Variants in SOX5 observed in about 807,000 individuals in gnomAD.
The protein encoded by SOX5 is transcription factor SOX-5.
Under a neutral mutation model 92.0 loss-of-function variants are expected in SOX5, and 9 were observed. The ratio of observed to expected loss-of-function variants is 0.10; its 90% CI spans 0.06 to 0.17. The LOEUF is 0.17. Among genes scored for constraint, SOX5 ranks in the 10% least tolerant of loss-of-function variants. The probability of loss-of-function intolerance (pLI) is 1.00; values close to 1 mark genes in which losing one functional copy is unlikely to be tolerated. For missense variants in SOX5, 642 were observed against 944.5 expected (o/e 0.68, Z 4.20); for synonymous variants, 344 against 336.3 (o/e 1.02, Z -0.25).
chr12:24,400,412 A>G (rs889091791), intron 1 of SOX5, among the ~76,000 whole-genome samples: 1 of 152,216 alleles, frequency 6.6e-6, no homozygotes, highest in Non-Finnish European at 1.5e-5. Flanking sequence ...CAAGTTTGTG[A>G]GGAGGGCGGG....
At chr12:24,461,410 G>C (rs1397482247) in intron 1 of SOX5, among the ~76,000 whole-genome samples, 1 of 152,156 alleles carries the variant, frequency 6.6e-6, no homozygotes, top group Non-Finnish European at 1.5e-5. Flanking sequence ...TTGATATGAA[G>C]TGATGGTTTT....
chr12:23,752,815 A>T (rs1272473328), intron 4 of SOX5, among the ~76,000 whole-genome samples: 1 of 151,890 alleles, frequency 6.6e-6, no homozygotes, highest in Non-Finnish European at 1.5e-5. Flanking sequence ...ATCAGTTTAT[A>T]GCATATATTG....
At chr12:24,543,787 C>A (rs1225682000) in intron 1 of SOX5, among the ~76,000 whole-genome samples, 2 of 152,140 alleles carry the variant, frequency 1.3e-5, no homozygotes, top group South Asian at 2.1e-4. Flanking sequence ...TCATAATATT[C>A]TTTTGAGAGA....
intron 3 of SOX5, chr12:23,762,491 C>G (rs913482705): frequency 2.3e-6 from 1 of 431,912 alleles, no homozygotes; most frequent in East Asian, 3.5e-5. Flanking sequence ...TTTAGATAAG[C>G]TTTATTTTTA....
intron 3 of SOX5, among the ~76,000 whole-genome samples, chr12:23,818,315 C>G (rs1289621446): frequency 6.6e-6 from 1 of 152,156 alleles, no homozygotes; most frequent in African/African-American, 2.4e-5. Context: ...CAGCTTGTTA[C>G]TGTGCTGAAT....
chr12:23,733,935 A>G (rs1404320001), intron 6 of SOX5, among the ~76,000 whole-genome samples: 1 of 152,134 alleles, frequency 6.6e-6, no homozygotes, highest in Non-Finnish European at 1.5e-5. Context: ...ACACTATGCT[A>G]AGGCTCTTTA....
At chr12:23,873,098 C>T (rs576240738) in intron 2 of SOX5, among the ~76,000 whole-genome samples, 52 of 152,298 alleles carry the variant, frequency 3.4e-4, no homozygotes, top group African/African-American at 1.2e-3. Context: ...TACATTATTT[C>T]TAGCCAATAA....
In SOX5 at chr12:24,261,474, G is replaced by A. The variant is rs577378857; in HGVS notation, c.-77+15742C>T. ...ATTTTACTTTTGGTTGCTTGAATTC[G>A]AAAATCCACTCCCACCTACCCACCC... On this transcript the variant is annotated intron_variant, in intron 3 of 4. Coordinates refer to the SOX5 transcript ENST00000446891. Among the ~76,000 whole-genome samples the A allele has an allele frequency of 7.2e-5, 11 of 152,034 alleles. No homozygotes were observed. The East Asian group carries it at 1.7e-3, about 24-fold the overall frequency.
chr12:24,551,528 C>T lies in SOX5; in HGVS notation c.-251+10801G>A, dbSNP rs537641920. ...CTTTTTTCCCCTGTCCATGTGGAAG[C>T]GCTGTCGTTTGTTCAATAAATATTT... On this transcript the variant is annotated intron_variant, in intron 1 of 4. Coordinates refer to the SOX5 transcript ENST00000446891. 5.9e-5 allele frequency among the ~76,000 whole-genome samples: 9 copies of T among 152,280 alleles called. No homozygotes were observed. The South Asian group carries it at 1.0e-3, about 18-fold the overall frequency.
chr12:23,819,407 G>C (rs931281069), intron 3 of SOX5, among the ~76,000 whole-genome samples: 4 of 152,028 alleles, frequency 2.6e-5, no homozygotes, highest in African/African-American at 9.7e-5. Flanking sequence ...TGAAAAAATT[G>C]CTCTCTAAAT....
intron 4 of SOX5, among the ~76,000 whole-genome samples, chr12:24,074,923 C>T (rs1218848390): frequency 6.7e-6 from 1 of 149,532 alleles, no homozygotes; most frequent in Non-Finnish European, 1.5e-5. Flanking sequence ...TTTTAACTCT[C>T]CAAACCTAAA....
At chr12:23,686,259 G>C (rs148087546) in intron 6 of SOX5, among the ~76,000 whole-genome samples, 1 of 152,160 alleles carries the variant, frequency 6.6e-6, no homozygotes, top group Non-Finnish European at 1.5e-5. Context: ...AAAAAAAATT[G>C]TCTATATCCT....
chr12:23,663,073 C>T (rs2083285827), intron 7 of SOX5, among the ~76,000 whole-genome samples: 1 of 152,088 alleles, frequency 6.6e-6, no homozygotes, highest in Admixed American at 6.6e-5. Context: ...TGAAATGTGA[C>T]TAGGGAGGAC....
chr12:24,476,167 T>C (rs1304968298), intron 1 of SOX5, among the ~76,000 whole-genome samples: 2 of 152,210 alleles, frequency 1.3e-5, no homozygotes, highest in African/African-American at 2.4e-5. Flanking sequence ...GGATACAGCA[T>C]CTAAGACTAA....
At chr12:24,316,639 C>A in intron 2 of SOX5, among the ~76,000 whole-genome samples, 1 of 152,156 alleles carries the variant, frequency 6.6e-6, no homozygotes, top group East Asian at 1.9e-4. Context: ...CATCTCTTAG[C>A]ATGTACATAG....
chr12:24,361,604 T>G (rs1268697129), intron 2 of SOX5, among the ~76,000 whole-genome samples: 1 of 145,474 alleles, frequency 6.9e-6, no homozygotes, highest in African/African-American at 2.5e-5. Context: ...TGAGGCTTTT[T>G]CAGGTTTTGT....
At chr12:23,550,880 C>G (rs545599449) in intron 11 of SOX5, among the ~76,000 whole-genome samples, 1 of 152,072 alleles carries the variant, frequency 6.6e-6, no homozygotes, top group Admixed American at 6.6e-5. Context: ...AAAGAACACA[C>G]AAACTGTACT....
At chr12:23,617,577 G>A (rs887064731) in intron 8 of SOX5, among the ~76,000 whole-genome samples, 2 of 152,120 alleles carry the variant, frequency 1.3e-5, no homozygotes, top group African/African-American at 4.8e-5. Flanking sequence ...GGGGTGGAGT[G>A]TTAGGAGGGT....
At chr12:23,534,741 C>T (rs1240555718) in intron 14 of SOX5, among the ~76,000 whole-genome samples, 1 of 135,842 alleles carries the variant, frequency 7.4e-6, no homozygotes, top group Non-Finnish European at 1.5e-5. Context: ...CGTAGTTTCG[C>T]TCCTGTTGCC....
Sources: gnomAD v4.1 joint callset for allele counts (sites outside exome capture counted in the v4.1 genomes callset) on GRCh38, gnomAD v4.1.1 for gene constraint, MANE v1.5 for transcripts, NCBI Gene and HGNC (gene_info 2026-07-23, HGNC 2026-07-21) for gene names.